The following RCOR1 variants were observed in gnomAD, a reference collection of about 807,000 sequenced individuals.
RCOR1 encodes the protein REST corepressor 1, also known as REST corepressor.
A neutral mutation model predicts 64.0 loss-of-function variants in RCOR1; 12 were observed. The observed-to-expected ratio is 0.19, with a 90% CI of 0.12 to 0.30. The LOEUF is 0.30. Ranked by LOEUF, RCOR1 falls within the 10% of genes least tolerant of loss-of-function variation. The probability of loss-of-function intolerance (pLI) is 1.00; values close to 1 mark genes in which losing one functional copy is unlikely to be tolerated. For synonymous variants in RCOR1, 279 were observed against 227.2 expected (o/e 1.23, Z -2.05); for missense variants, 502 against 621.2 (o/e 0.81, Z 2.04).
chr14:102,667,540 A>G (rs188342832), intron 2 of RCOR1, among the ~76,000 whole-genome samples: 63 of 152,156 alleles, frequency 4.1e-4, no homozygotes, highest in African/African-American at 1.5e-3. Context: ...AAAATAATGA[A>G]TTGTGCTTCA....
chr14:102,621,919 C>T (rs1056399434), intron 2 of RCOR1, among the ~76,000 whole-genome samples: 3 of 152,138 alleles, frequency 2.0e-5, no homozygotes, highest in African/African-American at 4.8e-5. Flanking sequence ...ACCAATTTAG[C>T]TGGCATTGCT....
chr14:102,640,928 G>T (rs1894355745), intron 2 of RCOR1, among the ~76,000 whole-genome samples: 1 of 152,044 alleles, frequency 6.6e-6, no homozygotes. Context: ...CTCCAGCCTG[G>T]GTGACAGAGC....
chr14:102,618,582 C>T (rs1385476200), intron 2 of RCOR1, among the ~76,000 whole-genome samples: 2 of 152,158 alleles, frequency 1.3e-5, no homozygotes, highest in Non-Finnish European at 2.9e-5. Context: ...CCAATGTACT[C>T]CAGCCTGGGC....
chr14:102,601,894 CAT>C (rs1893406250), intron 2 of RCOR1, among the ~76,000 whole-genome samples: 1 of 152,106 alleles, frequency 6.6e-6, no homozygotes, highest in South Asian at 2.1e-4. Context: ...TACTTAAATA[CAT>C]GTGTGTAATT....
At chr14:102,696,156 GTGTT>G (rs765620690) in intron 3 of RCOR1, among the ~76,000 whole-genome samples, 18 of 151,990 alleles carry the variant, frequency 1.2e-4, no homozygotes, top group Non-Finnish European at 2.5e-4. Flanking sequence ...GTTATTTCGT[GTGTT>G]TGTTCTCTTC....
intron 3 of RCOR1, among the ~76,000 whole-genome samples, chr14:102,683,853 G>A (rs1272161431): frequency 6.6e-6 from 1 of 152,206 alleles, no homozygotes; most frequent in East Asian, 1.9e-4. Flanking sequence ...CGGGGCACCC[G>A]GCCTGCTCCC....
chr14:102,718,186 T>A (rs1027159282), intron 8 of RCOR1, among the ~76,000 whole-genome samples: 1 of 152,214 alleles, frequency 6.6e-6, no homozygotes, highest in Admixed American at 6.5e-5. Context: ...TGTGCCATTC[T>A]CAGCTGTTGG....
chr14:102,663,802 G>A (rs1193591188), intron 2 of RCOR1, among the ~76,000 whole-genome samples: 5 of 152,186 alleles, frequency 3.3e-5, no homozygotes, highest in South Asian at 2.1e-4. Flanking sequence ...TTTGACGATC[G>A]TATGTGGCGA....
At chr14:102,720,357 G>A (rs1374401594) in intron 8 of RCOR1, among the ~76,000 whole-genome samples, 2 of 152,182 alleles carry the variant, frequency 1.3e-5, no homozygotes, top group East Asian at 1.9e-4. Context: ...TCTTTCTTTC[G>A]ACTGGGTAAG....
chr14:102,648,324 C>T (rs903676889), intron 2 of RCOR1, among the ~76,000 whole-genome samples: 4 of 152,214 alleles, frequency 2.6e-5, no homozygotes, highest in African/African-American at 9.6e-5. Context: ...GGTGATCTGC[C>T]TGCCTTGGCC....
rs185044425 is a variant in RCOR1, at chr14:102,685,917, C to T, written c.445+3939C>T. On this transcript the variant is annotated intron_variant, in intron 3 of 11. Transcript: ENST00000262241. ...GACCAGCCTGGGCAACATAGATCTC[C>T]CCTCTATTAAAAAAAAACGGGGAGG... is the stretch of plus-strand genomic sequence containing the variant. 3.8e-3 allele frequency among the ~76,000 whole-genome samples: 584 copies of T among 151,838 alleles called. 1 individual carries two copies. The highest frequency in any genetic ancestry group is 0.014 in the African/African-American group (569 of 41,378).
intron 2 of RCOR1, chr14:102,662,264 A>G: frequency 1.9e-6 from 1 of 531,392 alleles, no homozygotes; most frequent in Non-Finnish European, 3.7e-6. Flanking sequence ...TTTTGTTGGC[A>G]ACATCCAAAG....
At chr14:102,663,201 CTTGCCG>C (rs1228659733) in intron 2 of RCOR1, among the ~76,000 whole-genome samples, 1 of 152,228 alleles carries the variant, frequency 6.6e-6, no homozygotes, top group African/African-American at 2.4e-5. Flanking sequence ...GTTGCTCCTC[CTTGCCG>C]TCCGCCATGA....
At chr14:102,717,416 G>T (rs941670264) in intron 8 of RCOR1, among the ~76,000 whole-genome samples, 1 of 152,232 alleles carries the variant, frequency 6.6e-6, no homozygotes, top group African/African-American at 2.4e-5. Flanking sequence ...AGCACACTCT[G>T]TGTGCTCAGA....
intron 2 of RCOR1, among the ~76,000 whole-genome samples, chr14:102,653,368 G>A (rs1894631943): frequency 6.6e-6 from 1 of 151,966 alleles, no homozygotes; most frequent in Non-Finnish European, 1.5e-5. Flanking sequence ...ACAGGCACTC[G>A]CTACCGTGCC....
intron 2 of RCOR1, among the ~76,000 whole-genome samples, chr14:102,652,880 A>C (rs556268776): frequency 1.3e-5 from 2 of 152,270 alleles, no homozygotes; most frequent in African/African-American, 4.8e-5. Flanking sequence ...ACTGTTTGAA[A>C]ATACCAGCTG....
chr14:102,695,191 A>G (rs987832232), intron 3 of RCOR1, among the ~76,000 whole-genome samples: 1 of 152,236 alleles, frequency 6.6e-6, no homozygotes, highest in East Asian at 1.9e-4. Flanking sequence ...TAAAATGAAT[A>G]TAGAAACAAT....
At chr14:102,671,585 G>T (rs1055317427) in intron 2 of RCOR1, among the ~76,000 whole-genome samples, 2 of 152,122 alleles carry the variant, frequency 1.3e-5, no homozygotes, top group African/African-American at 4.8e-5. Flanking sequence ...TTCAGAGATA[G>T]GGTCTCACTG....
chr14:102,592,699 G>A lies in RCOR1; in HGVS notation c.-188G>A. 1 of 1,227,468 alleles carries A rather than the reference G, an allele frequency of 8.1e-7. No individual in the cohort carries two copies. Among genetic ancestry groups the A allele is most frequent in the Non-Finnish European group, 1.0e-6 (1 of 985,246 alleles). The allele number at this position is 1,227,468 out of a possible 1,614,324, so 76.0% of individuals were successfully genotyped here. ...TGAGAGCGAAAGTTGCGCTCGGCTCGTCGCTGGGGGCTTGAAGCGGCTCCG... is the reference window on the plus strand; with the variant it reads ...TGAGAGCGAAAGTTGCGCTCGGCTCATCGCTGGGGGCTTGAAGCGGCTCCG... On this transcript the variant is annotated 5_prime_UTR_variant, in exon 1 of 12. Transcript: ENST00000262241.
Sources: allele counts gnomAD v4.1 joint callset (sites outside exome capture counted in the v4.1 genomes callset), GRCh38; gene constraint gnomAD v4.1.1; transcripts MANE v1.5; gene names NCBI Gene and HGNC (gene_info 2026-07-23, HGNC 2026-07-21).